Variants in ANKIB1 observed in about 807,000 individuals in gnomAD.
The protein encoded by ANKIB1 is ankyrin repeat and IBR domain containing 1, also known as ankyrin repeat and IBR domain-containing protein 1.
A neutral mutation model predicts 122.1 loss-of-function variants in ANKIB1; 43 were observed. That is an observed-to-expected ratio of 0.35 (90% CI 0.28 to 0.45). The LOEUF is 0.45. ANKIB1 is among the 20% of genes least tolerant of loss of function. The probability of loss-of-function intolerance (pLI) is 1.00; values close to 1 mark genes in which losing one functional copy is unlikely to be tolerated. For synonymous variants in ANKIB1, 390 were observed against 442.0 expected, an observed-to-expected ratio of 0.88 and a Z score of 1.48; for missense variants, 992 against 1,329.5, an observed-to-expected ratio of 0.75 and a Z score of 3.95.
At chr7:92,371,953 GT>G (rs1562795558) in intron 11 of ANKIB1, among the ~76,000 whole-genome samples, 56 of 6,368 alleles carry the variant, frequency 8.8e-3, no homozygotes, top group Middle Eastern at 0.1. Flanking sequence ...AGAGAGGGGT[GT>G]GTGTGTGTGT....
chr7:92,379,873 G>T (rs1018741175), intron 11 of ANKIB1, among the ~76,000 whole-genome samples: 1 of 152,128 alleles, frequency 6.6e-6, no homozygotes, highest in Admixed American at 6.5e-5. Flanking sequence ...GAGGTACCTG[G>T]TTCATCTCAT....
At chr7:92,285,077 TA>T (rs1274927925) in intron 1 of ANKIB1, among the ~76,000 whole-genome samples, 2 of 152,210 alleles carry the variant, frequency 1.3e-5, no homozygotes, top group African/African-American at 4.8e-5. Context: ...TAGATTTTTT[TA>T]TTTTTTTGAG....
chr7:92,257,920 C>T (rs1211779965), intron 1 of ANKIB1, among the ~76,000 whole-genome samples: 1 of 152,166 alleles, frequency 6.6e-6, no homozygotes, highest in Non-Finnish European at 1.5e-5. Context: ...TGATCTTTCT[C>T]TATTTCTGTA....
intron 5 of ANKIB1, among the ~76,000 whole-genome samples, chr7:92,340,502 T>C (rs1334301959): frequency 6.6e-6 from 1 of 152,106 alleles, no homozygotes; most frequent in Non-Finnish European, 1.5e-5. Context: ...CTAATATGAC[T>C]GGCCATTGGA....
chr7:92,308,638 A>G (rs894554882), intron 3 of ANKIB1, among the ~76,000 whole-genome samples: 1 of 152,098 alleles, frequency 6.6e-6, no homozygotes, highest in South Asian at 2.1e-4. Context: ...AGCATTATTT[A>G]TATCTACAAA....
chr7:92,346,962 T>C (rs1486108687), intron 7 of ANKIB1, among the ~76,000 whole-genome samples: 1 of 152,220 alleles, frequency 6.6e-6, no homozygotes, highest in Non-Finnish European at 1.5e-5. Context: ...CCTTCCAATT[T>C]TGTCAAATCA....
intron 11 of ANKIB1, among the ~76,000 whole-genome samples, chr7:92,373,792 A>G (rs1446191682): frequency 6.6e-6 from 1 of 152,208 alleles, no homozygotes; most frequent in Non-Finnish European, 1.5e-5. Flanking sequence ...TTACTTTTGA[A>G]CTCAAATGTG....
intron 6 of ANKIB1, among the ~76,000 whole-genome samples, chr7:92,344,193 GTTTTTTT>G (rs67933063): frequency 2.0e-5 from 2 of 97,676 alleles, no homozygotes; most frequent in African/African-American, 8.4e-5. Context: ...TGTGTTTTTG[GTTTTTTT>G]TTTTTTTTTT....
intron 5 of ANKIB1, among the ~76,000 whole-genome samples, chr7:92,337,300 G>A (rs1487496205): frequency 6.6e-6 from 1 of 152,138 alleles, no homozygotes. Context: ...TGGCTTTTGT[G>A]TTTTAAATTA....
intron 5 of ANKIB1, among the ~76,000 whole-genome samples, chr7:92,332,051 A>G (rs1182556519): frequency 6.6e-6 from 1 of 152,206 alleles, no homozygotes; most frequent in Non-Finnish European, 1.5e-5. Flanking sequence ...CTTGTTTTAC[A>G]ATAAGATGAA....
At chr7:92,249,484 G>T (rs1801275618) in intron 1 of ANKIB1, among the ~76,000 whole-genome samples, 4 of 152,188 alleles carry the variant, frequency 2.6e-5, no homozygotes, top group Non-Finnish European at 5.9e-5. Context: ...ACTTTGGGAG[G>T]CCGAGGTGGA....
At chr7:92,293,960 T>C (rs969885782) in intron 1 of ANKIB1, among the ~76,000 whole-genome samples, 1 of 152,236 alleles carries the variant, frequency 6.6e-6, no homozygotes, top group Admixed American at 6.5e-5. Context: ...GTAACTCTTA[T>C]AATCCTCACA....
chr7:92,338,964 A>ATT (rs1803369267), intron 5 of ANKIB1, among the ~76,000 whole-genome samples: 1 of 100,630 alleles, frequency 9.9e-6, no homozygotes, highest in Non-Finnish European at 1.9e-5. Context: ...ATATATATAT[A>ATT]TATATATTTA....
At chr7:92,291,807 C>T (rs1327435671) in intron 1 of ANKIB1, among the ~76,000 whole-genome samples, 1 of 152,014 alleles carries the variant, frequency 6.6e-6, no homozygotes, top group Non-Finnish European at 1.5e-5. Context: ...GAACGCCTGA[C>T]CTCATGATCT....
chr7:92,352,675 C>A, intron 9 of ANKIB1, 33 bp downstream of exon 9: 1 of 1,571,644 alleles, frequency 6.4e-7, no homozygotes, highest in South Asian at 1.2e-5. Context: ...TCAGCCTAAT[C>A]ACCTTTCTTT....
At chr7:92,391,449 C>G (rs891881010) in intron 16 of ANKIB1, 105 bp downstream of exon 16, 4 of 1,018,322 alleles carry the variant, frequency 3.9e-6, no homozygotes, top group East Asian at 6.0e-5. Context: ...ATTATTTACA[C>G]CTAAAATATG....
At chr7:92,394,039 A>AAT (rs1804838083) in intron 17 of ANKIB1, among the ~76,000 whole-genome samples, 1 of 152,132 alleles carries the variant, frequency 6.6e-6, no homozygotes, top group Non-Finnish European at 1.5e-5. Flanking sequence ...ATGCTACTTT[A>AAT]AAGGCAGTGC....
chr7:92,332,686 G>A (rs899891927), intron 5 of ANKIB1, among the ~76,000 whole-genome samples: 1 of 152,062 alleles, frequency 6.6e-6, no homozygotes, highest in Admixed American at 6.6e-5. Context: ...AACTCCTTTG[G>A]AGGTTCATCA....
At chr7:92,290,153 C>A (rs1436650810) in intron 1 of ANKIB1, among the ~76,000 whole-genome samples, 1 of 152,172 alleles carries the variant, frequency 6.6e-6, no homozygotes, top group Non-Finnish European at 1.5e-5. Context: ...TTACAGTAAC[C>A]ACTAGAGCAT....
Sources: allele counts gnomAD v4.1 joint callset (sites outside exome capture counted in the v4.1 genomes callset), GRCh38; gene constraint gnomAD v4.1.1; transcripts MANE v1.5; gene names NCBI Gene and HGNC (gene_info 2026-07-23, HGNC 2026-07-21).